ESYT2: variants seen among roughly 807,000 people sequenced by gnomAD.
ESYT2 encodes the protein extended synaptotagmin-2.
ESYT2 carries 54 observed loss-of-function variants against 107.2 expected under a neutral mutation model. The observed-to-expected ratio is 0.50, with a 90% CI of 0.40 to 0.63. ESYT2 has a LOEUF of 0.63. Among genes scored for constraint, ESYT2 ranks in the 30% least tolerant of loss-of-function variants. The probability of loss-of-function intolerance (pLI) is 0.00; values close to 1 mark genes in which losing one functional copy is unlikely to be tolerated. For missense variants in ESYT2, 1,020 were observed against 1,094.5 expected (o/e 0.93, Z 0.96); for synonymous variants, 491 against 434.1 (o/e 1.13, Z -1.63).
At chr7:158,748,775 A>T (rs1837489380) in intron 15 of ESYT2, among the ~76,000 whole-genome samples, 1 of 150,560 alleles carries the variant, frequency 6.6e-6, no homozygotes, top group African/African-American at 2.5e-5. Context: ...GCTGGAGTGC[A>T]GTGGCGCAAT....
Position 158,741,704 on chromosome 7 carries a change from C to T in ESYT2, c.1987G>A (p.Glu663Lys). Residue 663 changes from glutamate (E) to lysine (K), a missense_variant, in exon 18 of 23, where the codon GAA becomes AAA. By Grantham distance (56) the Glu-to-Lys change is moderately conservative. Transcript: ENST00000275418. ...CCGGCCTCAGGGGGCTGGGCCTTTT[C>T]TTCCATACCAGGCTTATCACTGCCC... ...IGGSDKPGME[E>K]KAQPPEAGPQ... 1 of 1,614,162 alleles carries T rather than the reference C, an allele frequency of 6.2e-7. No homozygotes were observed. Among genetic ancestry groups the T allele is most frequent in the Non-Finnish European group, 8.5e-7 (1 of 1,180,030 alleles).
In ESYT2 at chr7:158,732,731, A is replaced by G. The variant is rs1030666603; in HGVS notation, c.*1476T>C. On this transcript the variant is annotated 3_prime_UTR_variant, in exon 23 of 23. Transcript: ENST00000275418. ...TGTTTGGTCATGTGAGTTACCCACAAGTTGTATAGTTCCATGAAACAAGCT... is the reference window on the plus strand; with the variant it reads ...TGTTTGGTCATGTGAGTTACCCACAGGTTGTATAGTTCCATGAAACAAGCT... 6.5e-6 allele frequency: 1 copy of G among 152,680 alleles called. No homozygotes were observed. Among genetic ancestry groups the G allele is most frequent in the African/African-American group, 2.4e-5 (1 of 41,468 alleles). The allele number at this position is 152,680 out of a possible 1,614,324, so 9.5% of individuals were successfully genotyped here.
chr7:158,809,357 T>A (rs1326102197), intron 1 of ESYT2, among the ~76,000 whole-genome samples: 1 of 150,226 alleles, frequency 6.7e-6, no homozygotes, highest in East Asian at 2.0e-4. Context: ...GCATCTGTAG[T>A]CCCTGCTACT....
At chr7:158,750,334 C>T (rs907684143) in intron 14 of ESYT2, among the ~76,000 whole-genome samples, 10 of 151,826 alleles carry the variant, frequency 6.6e-5, no homozygotes, top group African/African-American at 2.4e-4. Context: ...CTAGGAAAAA[C>T]GGTAAGAAGT....
intron 19 of ESYT2, among the ~76,000 whole-genome samples, chr7:158,738,151 T>TA (rs1259299287): frequency 6.6e-6 from 1 of 151,886 alleles, no homozygotes; most frequent in Non-Finnish European, 1.5e-5. Context: ...CCGTGTCTAC[T>TA]AAAAATACAA....
rs769065608 is a variant in ESYT2, at chr7:158,741,790, T to C, written c.1901A>G (p.His634Arg). Reference protein sequence around the residue: ...KEGRKTSIKSHMSGSPGPGGS... With the variant: ...KEGRKTSIKSRMSGSPGPGGS... ...ACCAGGGCCTGGAGACCCAGACATA[T>C]GAGATTTGATGGATGTTTTCCTCCC... The change falls in exon 18 of 23, where the codon CAT (histidine) becomes CGT (arginine). Residue 634 changes from histidine (H) to arginine (R), a missense_variant. Coordinates refer to ENST00000275418, the MANE Select transcript of ESYT2 (RefSeq NM_001367773.1). 3 of 1,606,540 alleles carry C rather than the reference T, an allele frequency of 1.9e-6. No individual in the cohort carries two copies. The highest frequency in any genetic ancestry group is 2.6e-6 in the Non-Finnish European group (3 of 1,173,364).
intron 1 of ESYT2, among the ~76,000 whole-genome samples, chr7:158,807,254 GAAAAAAA>G (rs372309924): frequency 0.014 from 1,649 of 117,226 alleles, 38 homozygotes; most frequent in African/African-American, 0.045. Context: ...CCGTCTGAAG[GAAAAAAA>G]AAAAAAAAAA....
rs1276984992 is a variant in ESYT2, at chr7:158,757,644, T to TCCAGAGCCAAAGGATCCTAGAG, written c.1419+1841_1419+1842insCTCTAGGATCCTTTGGCTCTGG. On this transcript the variant is annotated intron_variant, in intron 13 of 22. Transcript: ENST00000275418. ...CTAGAGCCCGCGGGACGCCCCTTAA[T>TCCAGAGCCAAAGGATCCTAGAG]CCCGCGCCAGGCACCCCGCGGCTCT... is the stretch of plus-strand genomic sequence containing the variant. 1.4e-4 allele frequency among the ~76,000 whole-genome samples: 22 copies of TCCAGAGCCAAAGGATCCTAGAG among 152,266 alleles called. No homozygotes were observed. The South Asian group carries it at 4.4e-3, about 30-fold the overall frequency.
intron 3 of ESYT2, among the ~76,000 whole-genome samples, chr7:158,794,654 T>A (rs560400761): frequency 6.6e-6 from 1 of 151,956 alleles, no homozygotes. Flanking sequence ...CGTGCACCTG[T>A]AGTCCCAGCT....
intron 7 of ESYT2, among the ~76,000 whole-genome samples, chr7:158,772,937 G>T (rs150227675): frequency 6.7e-6 from 1 of 149,774 alleles, no homozygotes; most frequent in African/African-American, 2.4e-5. Context: ...GCCATAGGCT[G>T]GAGAGACCCT....
chr7:158,748,389 CA>C (rs1301676338), intron 15 of ESYT2, 109 bp from the exon 16 acceptor site: 39 of 889,346 alleles, frequency 4.4e-5, no homozygotes, highest in Non-Finnish European at 6.4e-5. Flanking sequence ...ATAAATAAAA[CA>C]AAAAACTAGA....
intron 1 of ESYT2, among the ~76,000 whole-genome samples, chr7:158,818,744 A>C (rs1001750984): frequency 6.6e-6 from 1 of 152,216 alleles, no homozygotes; most frequent in African/African-American, 2.4e-5. Context: ...AGAGGAAACA[A>C]GGTTCTAAGA....
chr7:158,731,085 C>A lies in ESYT2; in HGVS notation c.*3122G>T, dbSNP rs1259496657. On this transcript the variant is annotated 3_prime_UTR_variant, in exon 23 of 23. Transcript: ENST00000275418. ...AAAGGAGGTTCTCTACTTTTTAACC[C>A]CCATCCCCCACCGCTGTTCTCTATT... The A allele has an allele frequency of 6.6e-6, 1 of 152,076 alleles. No homozygotes were observed. The highest frequency in any genetic ancestry group is 1.5e-5 in the Non-Finnish European group (1 of 68,042). 9.4% of individuals were successfully genotyped at this position (152,076 alleles called of 1,614,324 possible). A position where few individuals can be genotyped will look rare whatever the true frequency, so the allele number is the denominator to read the frequency against.
intron 6 of ESYT2, 26 bp downstream of exon 6, chr7:158,787,978 T>G: frequency 6.3e-7 from 1 of 1,592,158 alleles, no homozygotes; most frequent in Middle Eastern, 1.7e-4. Flanking sequence ...AATGGGAAAA[T>G]AAAAATGAAA....
At chr7:158,745,486 G>A (rs796120452) in intron 16 of ESYT2, among the ~76,000 whole-genome samples, 23 of 152,316 alleles carry the variant, frequency 1.5e-4, no homozygotes, top group African/African-American at 5.3e-4. Flanking sequence ...CAATGGCAAT[G>A]CCACCAACCA....
At chr7:158,817,924 T>C (rs909110169) in intron 1 of ESYT2, among the ~76,000 whole-genome samples, 1 of 152,224 alleles carries the variant, frequency 6.6e-6, no homozygotes, top group Non-Finnish European at 1.5e-5. Context: ...GGTACTCCAG[T>C]ATAATATTTA....
intron 19 of ESYT2, among the ~76,000 whole-genome samples, chr7:158,737,938 A>G (rs570434600): frequency 9.2e-5 from 14 of 152,368 alleles, no homozygotes; most frequent in African/African-American, 3.1e-4. Flanking sequence ...ACCTGACTTT[A>G]TACTTATTAA....
At chr7:158,782,991 G>A (rs1418335110) in intron 6 of ESYT2, among the ~76,000 whole-genome samples, 5 of 152,182 alleles carry the variant, frequency 3.3e-5, no homozygotes, top group Non-Finnish European at 2.9e-5. Flanking sequence ...TTTAGAAGGC[G>A]CCTTTGGAAA....
At chr7:158,735,423 A>G (rs998447232) in intron 21 of ESYT2, 80 bp downstream of exon 21, 4 of 1,182,854 alleles carry the variant, frequency 3.4e-6, no homozygotes, top group Admixed American at 3.7e-5. Flanking sequence ...TTACACAGAC[A>G]TGGTCTAAAC....
Sources: gnomAD v4.1 joint callset for allele counts (sites outside exome capture counted in the v4.1 genomes callset) on GRCh38, gnomAD v4.1.1 for gene constraint, MANE v1.5 for transcripts, NCBI Gene and HGNC (gene_info 2026-07-23, HGNC 2026-07-21) for gene names.